KAZN: variants seen among roughly 807,000 people sequenced by gnomAD.
KAZN encodes the protein kazrin.
In KAZN, 40 loss-of-function variants were observed where a neutral mutation model predicts 87.4. The ratio of observed to expected loss-of-function variants is 0.46; its 90% CI spans 0.36 to 0.60. The LOEUF is 0.60. KAZN is among the 20% of genes least tolerant of loss of function. KAZN has a pLI of 0.00. For missense variants in KAZN, 898 were observed against 1,073.9 expected (o/e 0.84, Z 2.29); for synonymous variants, 466 against 458.3 (o/e 1.02, Z -0.22).
chr1:14,250,271 T>A lies in KAZN; in HGVS notation c.249+69679T>A, dbSNP rs546234232. ...TCTTATGCTAATCATTACGTTTTACTCAAATAATACAATATAAAGCCCCCA... is the reference window on the plus strand; with the variant it reads ...TCTTATGCTAATCATTACGTTTTACACAAATAATACAATATAAAGCCCCCA... On this transcript the variant is annotated intron_variant, in intron 2 of 16. Coordinates refer to the KAZN transcript ENST00000636203. 7.2e-5 allele frequency among the ~76,000 whole-genome samples: 11 copies of A among 152,240 alleles called. No individual in the cohort carries two copies. In the South Asian group the frequency reaches 2.3e-3, roughly 32 times the overall value.
At chr1:15,057,470 T>C (rs1232897825) in intron 5 of KAZN, among the ~76,000 whole-genome samples, 1 of 152,196 alleles carries the variant, frequency 6.6e-6, no homozygotes, top group Non-Finnish European at 1.5e-5. Flanking sequence ...TCATCACCAT[T>C]GTTGTCATCA....
intron 1 of KAZN, among the ~76,000 whole-genome samples, chr1:14,702,444 G>A (rs1373075513): frequency 6.6e-6 from 1 of 150,586 alleles, no homozygotes; most frequent in Non-Finnish European, 1.5e-5. Flanking sequence ...TCGCAAAAAG[G>A]TTATCAACCA....
chr1:14,872,339 A>G (rs1214810918), intron 1 of KAZN, among the ~76,000 whole-genome samples: 3 of 152,228 alleles, frequency 2.0e-5, no homozygotes, highest in Admixed American at 1.3e-4. Flanking sequence ...TGTGGATATT[A>G]AGCAATTAAC....
At chr1:14,870,696 T>A (rs1292279089) in intron 1 of KAZN, among the ~76,000 whole-genome samples, 1 of 152,222 alleles carries the variant, frequency 6.6e-6, no homozygotes. Context: ...GCTGCTGTGA[T>A]GCTTCATGAG....
intron 4 of KAZN, among the ~76,000 whole-genome samples, chr1:15,052,683 G>A (rs760421443): frequency 2.6e-4 from 39 of 152,242 alleles, no homozygotes; most frequent in Middle Eastern, 6.8e-3. Context: ...GACTTCACAC[G>A]CGTCATCTGC....
Position 15,112,449 on chromosome 1 carries a change from G to A in KAZN, c.2071G>A (p.Glu691Lys). The A allele has an allele frequency of 6.2e-7, 1 of 1,603,722 alleles. No homozygotes were observed. The highest frequency in any genetic ancestry group is 8.5e-7 in the Non-Finnish European group (1 of 1,175,672). ...CAGCTCCACAGGCATCCGGGAGGCT[G>A]AGCGTTTTGGAACGCCCCCTGGCAG... is the stretch of plus-strand genomic sequence containing the variant. ...PANSTGIREAERFGTPPGRAS... is the reference protein window; with the variant it reads ...PANSTGIREAKRFGTPPGRAS... Residue 691 changes from glutamate (E) to lysine (K), a missense_variant, in exon 14 of 15, where the codon GAG becomes AAG. Coordinates refer to ENST00000376030, the MANE Select transcript of KAZN (RefSeq NM_201628.3).
rs1257978405 is a variant in KAZN at position 15,066,698 on chromosome 1, A to T, written c.1222+945A>T. On this transcript the variant is annotated intron_variant, in intron 8 of 14. Coordinates refer to ENST00000376030, the MANE Select transcript of KAZN (RefSeq NM_201628.3). The surrounding 1 kb of genome is among the most constrained non-coding windows in gnomAD (Gnocchi z 4.3). ...GGGCGGGAGGTGGGTGTCTCTGTTG[A>T]CTTGTCTGTTCTGTTACCATGCTGC... 5 of 985,164 alleles carry T rather than the reference A, an allele frequency of 5.1e-6. No homozygotes were observed. In the East Asian group the frequency reaches 3.4e-4, roughly 67 times the overall value. 61.0% of individuals were successfully genotyped at this position (985,164 alleles called of 1,614,324 possible).
intron 1 of KAZN, among the ~76,000 whole-genome samples, chr1:13,946,121 G>A (rs1284582070): frequency 6.6e-6 from 1 of 152,070 alleles, no homozygotes; most frequent in Non-Finnish European, 1.5e-5. Context: ...TTCTTTCCCT[G>A]GTCAGCAATT....
chr1:14,897,136 C>T (rs1200848112), intron 1 of KAZN, among the ~76,000 whole-genome samples: 1 of 152,158 alleles, frequency 6.6e-6, no homozygotes, highest in Non-Finnish European at 1.5e-5. Context: ...CAGCTTCATC[C>T]TCAGGCTGAA....
chr1:14,681,507 A>AT (rs1282456134), intron 1 of KAZN, among the ~76,000 whole-genome samples: 1 of 148,536 alleles, frequency 6.7e-6, no homozygotes, highest in Non-Finnish European at 1.5e-5. Context: ...CCAAAACTCC[A>AT]TTTTCAGCTT....
intron 2 of KAZN, among the ~76,000 whole-genome samples, chr1:14,570,919 C>T (rs1054709003): frequency 5.3e-5 from 8 of 152,206 alleles, no homozygotes; most frequent in African/African-American, 1.7e-4. Context: ...ATATCTCTTA[C>T]TTACTCCTGA....
At chr1:14,685,136 T>C (rs1456446371) in intron 1 of KAZN, among the ~76,000 whole-genome samples, 1 of 152,054 alleles carries the variant, frequency 6.6e-6, no homozygotes, top group African/African-American at 2.4e-5. Context: ...AGAACACCAG[T>C]AGGGCCTCAG....
intron 1 of KAZN, among the ~76,000 whole-genome samples, chr1:13,922,107 A>G (rs2100905167): frequency 6.6e-6 from 1 of 152,234 alleles, no homozygotes; most frequent in South Asian, 2.1e-4. Context: ...CTGGGAAAGT[A>G]TGGGGTTTAG....
intron 8 of KAZN, among the ~76,000 whole-genome samples, chr1:15,088,178 T>A (rs1036101816): frequency 6.6e-6 from 1 of 152,198 alleles, no homozygotes; most frequent in African/African-American, 2.4e-5. Context: ...TGAAAGCAGC[T>A]TTAGACAATA....
intron 2 of KAZN, among the ~76,000 whole-genome samples, chr1:14,587,002 G>A (rs549884635): frequency 6.6e-6 from 1 of 152,320 alleles, no homozygotes; most frequent in Admixed American, 6.5e-5. Flanking sequence ...CTGAAGCTAT[G>A]AGAACCACAG....
chr1:14,021,478 T>C (rs1017123969), intron 1 of KAZN, among the ~76,000 whole-genome samples: 9 of 152,188 alleles, frequency 5.9e-5, no homozygotes, highest in Admixed American at 4.6e-4. Context: ...GCAGTAATAC[T>C]CAAACTTTGG....
At chr1:14,763,480 G>A (rs1481841946) in intron 1 of KAZN, among the ~76,000 whole-genome samples, 1 of 152,178 alleles carries the variant, frequency 6.6e-6, no homozygotes, top group African/African-American at 2.4e-5. Flanking sequence ...CTACACCATA[G>A]GAGAGAACAG....
At chr1:15,106,142 G>T (rs532118116) in intron 13 of KAZN, among the ~76,000 whole-genome samples, 1 of 152,204 alleles carries the variant, frequency 6.6e-6, no homozygotes, top group Admixed American at 6.5e-5. Context: ...TTCCCTGGAG[G>T]TGGTGGAGTG....
chr1:14,767,152 A>G (rs1644905779), intron 1 of KAZN, among the ~76,000 whole-genome samples: 1 of 152,194 alleles, frequency 6.6e-6, no homozygotes, highest in Admixed American at 6.5e-5. Context: ...GTTAAGGGTT[A>G]AACATCCCGT....
Sources: allele counts gnomAD v4.1 joint callset (sites outside exome capture counted in the v4.1 genomes callset), GRCh38; gene constraint gnomAD v4.1.1; non-coding constraint Gnocchi (gnomAD v3.1); transcripts MANE v1.5; gene names NCBI Gene and HGNC (gene_info 2026-07-23, HGNC 2026-07-21).